SLC4A7: variants seen among roughly 807,000 people sequenced by gnomAD.
The protein encoded by SLC4A7 is sodium bicarbonate cotransporter 3.
In SLC4A7, 51 loss-of-function variants were observed where a neutral mutation model predicts 137.6. That is an observed-to-expected ratio of 0.37 (90% confidence interval 0.30 to 0.47). The LOEUF (loss-of-function observed/expected upper bound fraction) is 0.47. SLC4A7 is among the 20% of genes least tolerant of loss of function. The pLI is 1.00. For missense variants in SLC4A7, 1,247 were observed against 1,525.4 expected, an observed-to-expected ratio of 0.82 and a Z score of 3.04; for synonymous variants, 542 against 518.6, an observed-to-expected ratio of 1.05 and a Z score of -0.61.
At chr3:27,448,271 C>A (rs2150520391) in intron 3 of SLC4A7, among the ~76,000 whole-genome samples, 1 of 150,452 alleles carries the variant, frequency 6.6e-6, no homozygotes, top group South Asian at 2.1e-4. Flanking sequence ...TCCATGACAG[C>A]CTTAGCATTC....
chr3:27,403,144 G>C lies in SLC4A7; in HGVS notation c.2316C>G (p.Ser772Arg). 1 of 1,603,060 alleles carries C rather than the reference G, an allele frequency of 6.2e-7. No homozygotes were observed. Among genetic ancestry groups the C allele is most frequent in the Non-Finnish European group, 8.5e-7 (1 of 1,176,524 alleles). ...GAGAAAAGAGAAATACTTACGAGTA[G>C]CTGGTCAGTTTATCTAAGTTGTTGT... ...NMHNNLDKLT[S>R]YSCVCTEPPN... is the part of the protein sequence containing the mutation. Residue 772 changes from serine to arginine, a missense_variant, in exon 15 of 26, where the codon AGC (serine) becomes AGG (arginine). Ser to Arg is a moderately radical substitution (Grantham distance 110, BLOSUM62 -1). Around this residue, in one of 6 missense-constraint regions of SLC4A7, gnomAD observed 499 missense variants for 664.2 expected, o/e 0.75. Transcript: ENST00000454389.
Position 27,379,241 on chromosome 3 carries a change from A to T in SLC4A7, c.3698+8T>A. On this transcript the variant is annotated splice_region_variant and intron_variant, in intron 25 of 25. Transcript: ENST00000454389. ...ACAGTTAGAAAACACACAAATAGTTATAACTACCTCATGTTAGATCTGGTT... is the reference window on the plus strand; with the variant it reads ...ACAGTTAGAAAACACACAAATAGTTTTAACTACCTCATGTTAGATCTGGTT... 6.9e-7 allele frequency: 1 copy of T among 1,452,122 alleles called. No homozygotes were observed. Among genetic ancestry groups the T allele is most frequent in the South Asian group, 1.2e-5 (1 of 82,410 alleles). The allele number at this position is 1,452,122 out of a possible 1,614,324, so 90.0% of individuals were successfully genotyped here.
At chr3:27,473,705 CAAAA>C (rs747183440) in intron 1 of SLC4A7, among the ~76,000 whole-genome samples, 2,263 of 59,566 alleles carry the variant, frequency 0.038, 16 homozygotes, top group Non-Finnish European at 0.054. Context: ...GACCTCATGT[CAAAA>C]AAAAAAAAAA....
At chr3:27,406,567 A>ATAG in intron 13 of SLC4A7, among the ~76,000 whole-genome samples, 1 of 152,226 alleles carries the variant, frequency 6.6e-6, no homozygotes. Flanking sequence ...CTGCTAAGCC[A>ATAG]TCATAAAATC....
chr3:27,375,577 C>T lies in SLC4A7; in HGVS notation c.*1187G>A, dbSNP rs1045513800. On this transcript the variant is annotated 3_prime_UTR_variant, in exon 26 of 26. Coordinates refer to ENST00000454389, the MANE Select transcript of SLC4A7 (RefSeq NM_001321103.2). ...ATATAAATATGGCAGTGCTTTATAT[C>T]AAAGATGTAAAATCTATCAATTGCT... The T allele has an allele frequency of 6.6e-6, 1 of 152,278 alleles. No individual in the cohort carries two copies. Among genetic ancestry groups the T allele is most frequent in the African/African-American group, 2.4e-5 (1 of 41,382 alleles). The allele number at this position is 152,278 out of a possible 1,614,324, so 9.4% of individuals were successfully genotyped here.
At chr3:27,457,057 G>GTAACCAA (rs923829531) in intron 1 of SLC4A7, 7 of 447,200 alleles carry the variant, frequency 1.6e-5, no homozygotes, top group Non-Finnish European at 2.1e-5. Flanking sequence ...AATTATCATT[G>GTAACCAA]TAACCAAAAA....
intron 3 of SLC4A7, among the ~76,000 whole-genome samples, chr3:27,440,814 G>A (rs949051891): frequency 3.3e-5 from 5 of 152,088 alleles, no homozygotes; most frequent in Admixed American, 2.0e-4. Flanking sequence ...GGAGGCCAAG[G>A]TGGGTGGATT....
Position 27,373,198 on chromosome 3 carries a change from T to A in SLC4A7, c.*3566A>T, listed in dbSNP as rs1185313086. On this transcript the variant is annotated 3_prime_UTR_variant, in exon 26 of 26. Coordinates refer to ENST00000454389, the MANE Select transcript of SLC4A7 (RefSeq NM_001321103.2). ...TAACAATTAAGTCAAATGTTCAATA[T>A]GTGCTAATTAAATTTCATTTTAAAA... 1 of 152,080 alleles carries A rather than the reference T, an allele frequency of 6.6e-6. No homozygotes were observed. Among genetic ancestry groups the A allele is most frequent in the East Asian group, 1.9e-4 (1 of 5,192 alleles). The allele number at this position is 152,080 out of a possible 1,614,324, so 9.4% of individuals were successfully genotyped here.
intron 13 of SLC4A7, among the ~76,000 whole-genome samples, chr3:27,406,409 T>C (rs1330061853): frequency 6.6e-6 from 1 of 152,140 alleles, no homozygotes; most frequent in Non-Finnish European, 1.5e-5. Context: ...AATTCAACTA[T>C]TAGAATAAAA....
chr3:27,466,986 T>A (rs997569651), intron 1 of SLC4A7, among the ~76,000 whole-genome samples: 1 of 152,240 alleles, frequency 6.6e-6, no homozygotes, highest in African/African-American at 2.4e-5. Flanking sequence ...TCCACAGTCA[T>A]ACACTGTGGT....
Position 27,431,337 on chromosome 3 carries a change from C to A in SLC4A7, c.1111G>T (p.Glu371Ter). Reference sequence around the variant, plus strand: ...ACATTTTCCTCATTCTTCTGCTCCTCGCCTTTCAGCGCTGCTTCTAAGTCT... The same window carrying A: ...ACATTTTCCTCATTCTTCTGCTCCTAGCCTTTCAGCGCTGCTTCTAAGTCT... ...EEDLEAALKGEEQKNEENVDL... is the reference protein window; with the variant it reads ...EEDLEAALKG Residue 371 changes from glutamate to a stop codon, truncating the protein, a stop_gained, in exon 7 of 26, where the codon GAG (glutamate) becomes TAG (stop). Transcript: ENST00000454389. LOFTEE classifies it high-confidence loss of function. 6.2e-7 allele frequency: 1 copy of A among 1,607,110 alleles called. No homozygotes were observed. Among genetic ancestry groups the A allele is most frequent in the Non-Finnish European group, 8.5e-7 (1 of 1,176,304 alleles).
chr3:27,461,730 C>T (rs777880768), intron 1 of SLC4A7, among the ~76,000 whole-genome samples: 7 of 151,040 alleles, frequency 4.6e-5, no homozygotes, highest in African/African-American at 9.7e-5. Context: ...GAGGCCGAGG[C>T]GGGCAGATCA....
intron 1 of SLC4A7, among the ~76,000 whole-genome samples, chr3:27,471,113 G>A (rs1431865135): frequency 1.3e-5 from 2 of 152,058 alleles, no homozygotes; most frequent in Non-Finnish European, 2.9e-5. Flanking sequence ...AAAATAAAAA[G>A]TTTCACAAAA....
rs757974652 is a variant in SLC4A7 at position 27,394,596 on chromosome 3, T to C, written c.3039A>G (p.Gly1013=). 6.2e-7 allele frequency: 1 copy of C among 1,614,144 alleles called. No homozygotes were observed. Among genetic ancestry groups the C allele is most frequent in the Non-Finnish European group, 8.5e-7 (1 of 1,180,018 alleles). ...SAPGEQPKFL[G]IREQRVTGLM... ...GCCCTGTAACCCGCTGTTCACGAAT[T>C]CCCAAAAACTTGGGTTGTTCCCCTG... Residue 1013 remains glycine, a synonymous_variant, in exon 20 of 26, where the codon GGA becomes GGG. Coordinates refer to ENST00000454389, the MANE Select transcript of SLC4A7 (RefSeq NM_001321103.2).
chr3:27,417,229 G>A (rs2054479214), intron 11 of SLC4A7, among the ~76,000 whole-genome samples: 1 of 152,144 alleles, frequency 6.6e-6, no homozygotes, highest in Non-Finnish European at 1.5e-5. Flanking sequence ...ACCAAGGGGA[G>A]CAATGTTTAG....
rs1213470169 is a variant in SLC4A7, at chr3:27,383,201, A to G, written c.3542T>C (p.Phe1181Ser). 6.2e-7 allele frequency: 1 copy of G among 1,613,468 alleles called. No homozygotes were observed. Reference sequence around the variant, plus strand: ...AATTTGCAAGAGACTTCCCCCTTCAAATGGAAGGTGCACAGTATCATCATC... The same window carrying G: ...AATTTGCAAGAGACTTCCCCCTTCAGATGGAAGGTGCACAGTATCATCATC... ...QDDDDTVHLP[F>S]EGGSLLQIPV... The change falls in exon 24 of 26, where the codon TTT becomes TCT. Residue 1181 changes from phenylalanine (F) to serine (S), a missense_variant. Phe to Ser is a radical substitution (Grantham distance 155, BLOSUM62 -2). This residue lies in a region of SLC4A7 where 290 missense variants were observed against 323.8 expected (regional missense o/e 0.90). Transcript: ENST00000454389.
intron 11 of SLC4A7, among the ~76,000 whole-genome samples, chr3:27,413,580 T>C (rs1344620500): frequency 1.3e-5 from 2 of 152,146 alleles, no homozygotes; most frequent in East Asian, 1.9e-4. Flanking sequence ...ATTCATATGA[T>C]TTACCATAAT....
At chr3:27,386,521 A>G (rs1235840373) in intron 22 of SLC4A7, among the ~76,000 whole-genome samples, 1 of 152,106 alleles carries the variant, frequency 6.6e-6, no homozygotes, top group African/African-American at 2.4e-5. Flanking sequence ...TGACTGGCCA[A>G]TAAGATTTCC....
chr3:27,430,267 G>A (rs557466181), intron 7 of SLC4A7, among the ~76,000 whole-genome samples: 4 of 151,774 alleles, frequency 2.6e-5, no homozygotes, highest in African/African-American at 9.7e-5. Context: ...TAATTTATTT[G>A]TATGTGTTCA....
Sources: gnomAD v4.1 joint callset for allele counts (sites outside exome capture counted in the v4.1 genomes callset) on GRCh38, gnomAD v4.1.1 for gene constraint, gnomAD v4.1.1 regional missense constraint, MANE v1.5 for transcripts, NCBI Gene and HGNC (gene_info 2026-07-23, HGNC 2026-07-21) for gene names.